Variants in EIF4A3 observed in about 807,000 individuals in gnomAD.
EIF4A3 encodes eukaryotic initiation factor 4A-III.
Under a neutral mutation model 55.6 loss-of-function variants are expected in EIF4A3, and 1 was observed. The ratio of observed to expected loss-of-function variants is 0.02; its 90% CI spans 0.01 to 0.09. The LOEUF is 0.09. Among genes scored for constraint, EIF4A3 ranks in the 10% least tolerant of loss-of-function variants. The probability of loss-of-function intolerance (pLI) is 1.00; values close to 1 mark genes in which losing one functional copy is unlikely to be tolerated. For missense variants in EIF4A3, 221 were observed against 540.7 expected (o/e 0.41, Z 5.86); for synonymous variants, 194 against 196.3 (o/e 0.99, Z 0.10).
chr17:80,136,980 A>T (rs2039575954), intron 9 of EIF4A3: 1 of 160,978 alleles, frequency 6.2e-6, no homozygotes. Flanking sequence ...AAAGACACAC[A>T]CAGCACATAT....
Position 80,136,129 on chromosome 17 carries a change from A to G in EIF4A3, c.1094T>C (p.Ile365Thr). The G allele has an allele frequency of 3.7e-6, 6 of 1,613,950 alleles. No individual in the cohort carries two copies. The highest frequency in any genetic ancestry group is 5.1e-6 in the Non-Finnish European group (6 of 1,179,996). The change falls in exon 11 of 12, where the codon ATT becomes ACT. Residue 365 changes from isoleucine to threonine, a missense_variant and splice_region_variant. Physicochemically the swap from Ile to Thr is moderately conservative, Grantham distance 89. Coordinates refer to ENST00000649764, the MANE Select transcript of EIF4A3 (RefSeq NM_014740.4). The part of the protein sequence containing the change: ...PNNRELYIHR[I>T]GRSGRYGRKG... ...CCGGCCGTATCGACCTGATCTCCCA[A>G]TTCTTCAGGAATAAAATAATATTAC...
chr17:80,141,855 A>C lies in EIF4A3; in HGVS notation c.243-7T>G. The C allele has an allele frequency of 6.2e-7, 1 of 1,613,588 alleles. No individual in the cohort carries two copies. The stretch of plus-strand genomic sequence containing the variant: ...TCCTGTGCCGGACTGAGACCTATTC[A>C]AGGAAACAAAAGCAGTGGGATTAGA... On this transcript the variant is annotated splice_region_variant and splice_polypyrimidine_tract_variant and intron_variant, in intron 2 of 11. Transcript: ENST00000649764.
At chr17:80,139,644 A>G (rs1381128583) in intron 6 of EIF4A3, 26 bp downstream of exon 6, 2 of 1,585,574 alleles carry the variant, frequency 1.3e-6, no homozygotes, top group Middle Eastern at 3.4e-4. Context: ...ATGTCAGTAG[A>G]AGAGTAATTC....
intron 7 of EIF4A3, chr17:80,138,795 T>C: frequency 1.8e-6 from 1 of 557,590 alleles, no homozygotes; most frequent in Non-Finnish European, 3.1e-6. Context: ...ACGGTCTCTA[T>C]ATGTTGCCCA....
In EIF4A3 at chr17:80,135,262, G is replaced by C. The variant is rs2039561223; in HGVS notation, c.*228C>G. On this transcript the variant is annotated 3_prime_UTR_variant, in exon 12 of 12. Transcript: ENST00000649764. ...CACCTTAGAAGTATAGAGTTTATGGGAAAAGTTTTAAATTTTTAATGAAAA... is the reference window on the plus strand; with the variant it reads ...CACCTTAGAAGTATAGAGTTTATGGCAAAAGTTTTAAATTTTTAATGAAAA... 1 of 454,084 alleles carries C rather than the reference G, an allele frequency of 2.2e-6. No homozygotes were observed. 28.1% of individuals were successfully genotyped at this position (454,084 alleles called of 1,614,324 possible). A position where few individuals can be genotyped will look rare whatever the true frequency, so the allele number is the denominator to read the frequency against.
At chr17:80,138,119 G>C in intron 8 of EIF4A3, 23 bp downstream of exon 8, 1 of 1,607,124 alleles carries the variant, frequency 6.2e-7, no homozygotes, top group Non-Finnish European at 8.5e-7. Flanking sequence ...TTCAGCACAT[G>C]GATGCTGTGC....
Position 80,146,924 on chromosome 17 carries a change from G to A in EIF4A3, c.38C>T (p.Ala13Val), listed in dbSNP as rs374500712. 345 of 1,609,104 alleles carry A rather than the reference G, an allele frequency of 2.1e-4. No homozygotes were observed. The highest frequency in any genetic ancestry group is 2.8e-4 in the Non-Finnish European group (329 of 1,178,360). The change falls in exon 1 of 12, where the codon GCG becomes GTG. Residue 13 changes from alanine to valine, a missense_variant. Ala to Val is a moderately conservative substitution (Grantham distance 64). Coordinates refer to ENST00000649764, the MANE Select transcript of EIF4A3 (RefSeq NM_014740.4). ...TTCCTCTTTGAGCAGCCGCTTTCGCGCCGAGCCCGAGGTCGCCATCGTGGC... is the reference window on the plus strand; with the variant it reads ...TTCCTCTTTGAGCAGCCGCTTTCGCACCGAGCCCGAGGTCGCCATCGTGGC... ...TTATMATSGS[A>V]RKRLLKEEDM...
chr17:80,143,849 G>A (rs557549583), intron 2 of EIF4A3, among the ~76,000 whole-genome samples: 12 of 152,096 alleles, frequency 7.9e-5, no homozygotes, highest in Non-Finnish European at 1.5e-4. Flanking sequence ...GCATGGTGGT[G>A]CATGCCTGTA....
In EIF4A3 at chr17:80,135,239, C is replaced by T; in HGVS notation, c.*251G>A. Reference sequence around the variant, plus strand: ...TAAGTTACTAGAGAAGGTGGTGGCACCTTAGAAGTATAGAGTTTATGGGAA... The same window carrying T: ...TAAGTTACTAGAGAAGGTGGTGGCATCTTAGAAGTATAGAGTTTATGGGAA... On this transcript the variant is annotated 3_prime_UTR_variant, in exon 12 of 12. Coordinates refer to ENST00000649764, the MANE Select transcript of EIF4A3 (RefSeq NM_014740.4). 1 of 409,128 alleles carries T rather than the reference C, an allele frequency of 2.4e-6. No individual in the cohort carries two copies. Among genetic ancestry groups the T allele is most frequent in the Non-Finnish European group, 4.4e-6 (1 of 228,628 alleles). The allele number at this position is 409,128 out of a possible 1,614,324, so 25.3% of individuals were successfully genotyped here.
Position 80,134,633 on chromosome 17 carries a change from A to G in EIF4A3, c.*857T>C, listed in dbSNP as rs2039555444. On this transcript the variant is annotated 3_prime_UTR_variant, in exon 12 of 12. Transcript: ENST00000649764. ...AAACCCATGAGTGACAGACCAGCCT[A>G]GGCCACAAAGTGAGACCCTGTCTCT... 6.6e-6 allele frequency among the ~76,000 whole-genome samples: 1 copy of G among 152,002 alleles called. No homozygotes were observed. Among genetic ancestry groups the G allele is most frequent in the African/African-American group, 2.4e-5 (1 of 41,382 alleles).
intron 9 of EIF4A3, 185 bp from the exon 10 acceptor site, chr17:80,136,520 G>A (rs1344279557): frequency 1.7e-6 from 1 of 578,800 alleles, no homozygotes; most frequent in Non-Finnish European, 3.1e-6. Flanking sequence ...CTGTGCAGAG[G>A]GGCTGTTGGT....
chr17:80,135,799 G>A, intron 11 of EIF4A3: 1 of 643,100 alleles, frequency 1.6e-6, no homozygotes, highest in Non-Finnish European at 2.6e-6. Context: ...GGAGGCTGAG[G>A]CAGGAGAATT....
chr17:80,146,705 C>A (rs2039666629), intron 1 of EIF4A3, 88 bp downstream of exon 1: 1 of 1,450,862 alleles, frequency 6.9e-7, no homozygotes, highest in Non-Finnish European at 9.1e-7. Flanking sequence ...GAGCGCAGGG[C>A]CGGCCCGGGA....
intron 9 of EIF4A3, 84 bp downstream of exon 9, chr17:80,137,302 G>C (rs1181893530): frequency 3.3e-5 from 39 of 1,194,900 alleles, no homozygotes; most frequent in Non-Finnish European, 4.7e-6. Context: ...CGGGTGTGGG[G>C]CCTGCACTTA....
intron 2 of EIF4A3, among the ~76,000 whole-genome samples, chr17:80,143,001 GGAGACAGA>G (rs2039630258): frequency 6.6e-6 from 1 of 152,064 alleles, no homozygotes; most frequent in Non-Finnish European, 1.5e-5. Context: ...CTCCAGTCTG[GGAGACAGA>G]GTAAGACCCT....
At chr17:80,141,437 G>T in intron 3 of EIF4A3, 56 bp from the exon 4 acceptor site, 1 of 1,516,874 alleles carries the variant, frequency 6.6e-7, no homozygotes, top group Non-Finnish European at 9.1e-7. Flanking sequence ...AAAGTGGATT[G>T]TAGTAATTCA....
At position 80,135,388 on chromosome 17, in the gene EIF4A3, A is replaced by G. The variant is rs1598602604; in HGVS notation, c.*102T>C. The G allele has an allele frequency of 7.3e-7, 1 of 1,375,622 alleles. No homozygotes were observed. The highest frequency in any genetic ancestry group is 9.7e-7 in the Non-Finnish European group (1 of 1,030,198). 85.2% of individuals were successfully genotyped at this position (1,375,622 alleles called of 1,614,324 possible). A position where few individuals can be genotyped will look rare whatever the true frequency, so the allele number is the denominator to read the frequency against. On this transcript the variant is annotated 3_prime_UTR_variant, in exon 12 of 12. Coordinates refer to ENST00000649764, the MANE Select transcript of EIF4A3 (RefSeq NM_014740.4). ...GAGACGGCAGGCCATTTATGAGAAG[A>G]AAGTCCATATAAACCCCATTAAGTA... is the stretch of plus-strand genomic sequence containing the variant.
intron 3 of EIF4A3, 28 bp downstream of exon 3, chr17:80,141,754 A>G: frequency 1.3e-6 from 2 of 1,587,162 alleles, no homozygotes; most frequent in Non-Finnish European, 1.7e-6. Context: ...GAATTACATA[A>G]CAGTTTGTTT....
Position 80,139,646 on chromosome 17 carries a change from G to A in EIF4A3, c.586+24C>T, listed in dbSNP as rs186804839. ...AGAACTAAGAATTATGTCAGTAGAA[G>A]AGTAATTCTTTTGTTGCTCATACCT... On this transcript the variant is annotated intron_variant, in intron 6 of 11. Transcript: ENST00000649764. The A allele has an allele frequency of 9.5e-5, 151 of 1,589,044 alleles. 1 individual carries two copies. The African/African-American group carries it at 1.9e-3, about 20-fold the overall frequency.
Sources: allele counts gnomAD v4.1 joint callset (sites outside exome capture counted in the v4.1 genomes callset), GRCh38; gene constraint gnomAD v4.1.1; transcripts MANE v1.5; gene names NCBI Gene and HGNC (gene_info 2026-07-23, HGNC 2026-07-21).